The following CFH variants were observed in gnomAD, a reference collection of about 807,000 sequenced individuals.
CFH encodes the protein complement factor H.
A neutral mutation model predicts 147.3 loss-of-function variants in CFH; 53 were observed. That is an observed-to-expected ratio of 0.36 (90% CI 0.29 to 0.45). CFH has a LOEUF of 0.45. Among genes scored for constraint, CFH ranks in the 20% least tolerant of loss-of-function variants. The pLI is 1.00. For missense variants in CFH, 1,380 were observed against 1,498.0 expected (o/e 0.92, Z 1.30); for synonymous variants, 536 against 489.4 (o/e 1.10, Z -1.26).
At chr1:196,735,878 C>G (rs1394729878) in intron 15 of CFH, among the ~76,000 whole-genome samples, 1 of 152,096 alleles carries the variant, frequency 6.6e-6, no homozygotes, top group East Asian at 1.9e-4. Flanking sequence ...TTCATCCAAA[C>G]GTCTCCCTGA....
intron 1 of CFH, among the ~76,000 whole-genome samples, chr1:196,657,495 C>A (rs1403560917): frequency 6.6e-6 from 1 of 152,142 alleles, no homozygotes; most frequent in Non-Finnish European, 1.5e-5. Flanking sequence ...ACTTTTCGTA[C>A]ATGCGGTTTC....
chr1:196,692,037 T>C (rs1340572467), intron 9 of CFH, among the ~76,000 whole-genome samples: 1 of 152,058 alleles, frequency 6.6e-6, no homozygotes, highest in Non-Finnish European at 1.5e-5. Context: ...ATTGTGTGTG[T>C]ATACACACAC....
rs1652821768 is a variant in CFH, at chr1:196,741,951, T to A, written c.3033T>A (p.Gly1011=). The A allele has an allele frequency of 6.2e-7, 1 of 1,614,176 alleles. No individual in the cohort carries two copies. Among genetic ancestry groups the A allele is most frequent in the African/African-American group, 1.3e-5 (1 of 75,062 alleles). ...AGAAGAAGGATGTGTATAAGGCGGGTGAGCAAGTGACTTACACTTGTGCAA... is the reference window on the plus strand; with the variant it reads ...AGAAGAAGGATGTGTATAAGGCGGGAGAGCAAGTGACTTACACTTGTGCAA... ...MGEKKDVYKA[G]EQVTYTCATY... Residue 1011 remains glycine (G), a synonymous_variant, in exon 19 of 22, where the codon GGT becomes GGA. Transcript: ENST00000367429.
intron 5 of CFH, 37 bp from the exon 6 acceptor site, chr1:196,679,586 G>T (rs755741079): frequency 2.8e-6 from 4 of 1,454,338 alleles, no homozygotes; most frequent in Non-Finnish European, 3.9e-6. Context: ...CCTTTAATTT[G>T]CAATAAACAT....
At chr1:196,685,647 T>G (rs980858467) in intron 7 of CFH, among the ~76,000 whole-genome samples, 1 of 152,104 alleles carries the variant, frequency 6.6e-6, no homozygotes, top group African/African-American at 2.4e-5. Flanking sequence ...TAGTTGTGAA[T>G]CAGACTGTCT....
At chr1:196,705,199 C>CT (rs1668557208) in intron 9 of CFH, among the ~76,000 whole-genome samples, 1 of 82,792 alleles carries the variant, frequency 1.2e-5, no homozygotes, top group South Asian at 4.2e-4. Flanking sequence ...ACTGGCTTTA[C>CT]ATTTTTTTTT....
At chr1:196,739,238 T>G (rs1053661989) in intron 17 of CFH, among the ~76,000 whole-genome samples, 15 of 152,348 alleles carry the variant, frequency 9.8e-5, no homozygotes, top group African/African-American at 3.6e-4. Context: ...CGGAGATATA[T>G]TCCCCATTGT....
intron 6 of CFH, among the ~76,000 whole-genome samples, chr1:196,680,754 A>T (rs1196156513): frequency 6.6e-6 from 1 of 151,856 alleles, no homozygotes; most frequent in Non-Finnish European, 1.5e-5. Flanking sequence ...AAATCCCATG[A>T]TTCATAAATA....
At chr1:196,653,180 CT>C (rs1310606689) in intron 1 of CFH, among the ~76,000 whole-genome samples, 1 of 151,598 alleles carries the variant, frequency 6.6e-6, no homozygotes, top group Non-Finnish European at 1.5e-5. Flanking sequence ...TAGTTATACA[CT>C]TTGGTAATTT....
chr1:196,736,012 G>C (rs1216166903), intron 15 of CFH, among the ~76,000 whole-genome samples: 1 of 151,958 alleles, frequency 6.6e-6, no homozygotes, highest in Admixed American at 6.6e-5. Flanking sequence ...AGGGATTATA[G>C]AATGCTCCCA....
chr1:196,698,010 G>C (rs1313382912), intron 9 of CFH, among the ~76,000 whole-genome samples: 1 of 123,882 alleles, frequency 8.1e-6, no homozygotes, highest in Non-Finnish European at 1.7e-5. Flanking sequence ...GTTGTGGGGT[G>C]GGGGGAGGGG....
chr1:196,719,250 C>G (rs899597087), intron 11 of CFH, among the ~76,000 whole-genome samples: 1 of 151,798 alleles, frequency 6.6e-6, no homozygotes, highest in African/African-American at 2.4e-5. Context: ...GAATAATACC[C>G]AATAATCAAG....
chr1:196,665,967 A>G (rs1667070000), intron 1 of CFH, among the ~76,000 whole-genome samples: 1 of 152,148 alleles, frequency 6.6e-6, no homozygotes, highest in Non-Finnish European at 1.5e-5. Flanking sequence ...GTCCAAGTTT[A>G]CACAGTACGA....
chr1:196,699,713 G>A (rs116059662), intron 9 of CFH, among the ~76,000 whole-genome samples: 2,077 of 152,186 alleles, frequency 0.014, 47 homozygotes, highest in African/African-American at 0.047. Flanking sequence ...ATTTGGATGC[G>A]TTACTGTTCC....
chr1:196,669,188 G>A (rs2149075067), intron 1 of CFH, among the ~76,000 whole-genome samples: 1 of 152,262 alleles, frequency 6.6e-6, no homozygotes, highest in Non-Finnish European at 1.5e-5. Flanking sequence ...CTTTGAGAAA[G>A]TTGGTCTGAA....
At position 196,726,658 on chromosome 1, in the gene CFH, G is replaced by T; in HGVS notation, c.2056+6G>T. ...AACTTTACCAGTGTGTATTGGTAAT[G>T]TATAAAATATTAATATTTAAACTTG... On this transcript the variant is annotated splice_donor_region_variant and intron_variant, in intron 13 of 21. Transcript: ENST00000367429. The T allele has an allele frequency of 6.2e-7, 1 of 1,607,478 alleles. No individual in the cohort carries two copies. The highest frequency in any genetic ancestry group is 8.5e-7 in the Non-Finnish European group (1 of 1,174,322).
intron 7 of CFH, among the ~76,000 whole-genome samples, chr1:196,687,788 G>T (rs1667877931): frequency 1.3e-5 from 2 of 152,082 alleles, no homozygotes; most frequent in South Asian, 2.1e-4. Flanking sequence ...TTACTTAAAA[G>T]AAATAAGACT....
intron 14 of CFH, among the ~76,000 whole-genome samples, chr1:196,727,488 CTCTT>C (rs909367794): frequency 6.6e-6 from 1 of 151,992 alleles, no homozygotes; most frequent in Admixed American, 6.6e-5. Context: ...CAGAGTAAGA[CTCTT>C]TCTTTAAAAA....
intron 14 of CFH, among the ~76,000 whole-genome samples, chr1:196,727,520 T>C (rs576275978): frequency 6.6e-6 from 1 of 152,006 alleles, no homozygotes; most frequent in South Asian, 2.1e-4. Context: ...TATTAAAAAA[T>C]TATCATATGA....
Sources: allele counts gnomAD v4.1 joint callset (sites outside exome capture counted in the v4.1 genomes callset), GRCh38; gene constraint gnomAD v4.1.1; transcripts MANE v1.5; gene names NCBI Gene and HGNC (gene_info 2026-07-23, HGNC 2026-07-21).